CFDP1: variants seen among roughly 807,000 people sequenced by gnomAD.
The protein encoded by CFDP1 is chromatin remodeling protein CFDP1.
Under a neutral mutation model 40.1 loss-of-function variants are expected in CFDP1, and 31 were observed. The observed-to-expected ratio is 0.77, with a 90% CI of 0.58 to 1.04. The LOEUF is 1.04. Ranked by LOEUF, CFDP1 falls within the 50% of genes least tolerant of loss-of-function variation. The probability of loss-of-function intolerance (pLI) is 0.00; values close to 1 mark genes in which losing one functional copy is unlikely to be tolerated. For synonymous variants in CFDP1, 167 were observed against 120.0 expected, an observed-to-expected ratio of 1.39 and a Z score of -2.56; for missense variants, 423 against 343.4, an observed-to-expected ratio of 1.23 and a Z score of -1.83.
chr16:75,431,973 G>A (rs1161547871), intron 1 of CFDP1, among the ~76,000 whole-genome samples: 4 of 147,726 alleles, frequency 2.7e-5, no homozygotes, highest in African/African-American at 1.0e-4. Flanking sequence ...GTGCAGTGGT[G>A]TGATCTCGGC....
At chr16:75,330,019 C>T (rs1418279595) in intron 5 of CFDP1, among the ~76,000 whole-genome samples, 1 of 152,170 alleles carries the variant, frequency 6.6e-6, no homozygotes, top group African/African-American at 2.4e-5. Context: ...TTAGAATCCC[C>T]AGAGGTTATT....
At chr16:75,423,508 C>A (rs937162976) in intron 1 of CFDP1, among the ~76,000 whole-genome samples, 1 of 151,608 alleles carries the variant, frequency 6.6e-6, no homozygotes, top group Admixed American at 6.6e-5. Context: ...ACCACGTTGG[C>A]GAGGTTGGTT....
intron 4 of CFDP1, among the ~76,000 whole-genome samples, chr16:75,400,101 C>CAAA (rs71276627): frequency 1.9e-4 from 11 of 59,290 alleles, no homozygotes; most frequent in African/African-American, 4.0e-4. Flanking sequence ...AACTCCATCT[C>CAAA]AAAAAAAAAA....
intron 6 of CFDP1, among the ~76,000 whole-genome samples, chr16:75,297,601 G>A (rs1475411163): frequency 1.3e-5 from 2 of 152,192 alleles, no homozygotes; most frequent in African/African-American, 4.8e-5. Flanking sequence ...CCTTTTGGGG[G>A]CCCAGCATGA....
chr16:75,379,181 TA>T (rs201576474), intron 5 of CFDP1, among the ~76,000 whole-genome samples: 4 of 147,098 alleles, frequency 2.7e-5, no homozygotes, highest in Admixed American at 6.8e-5. Context: ...AAGAATCTAG[TA>T]AAAAAAAAGA....
chr16:75,350,860 C>A (rs938095911), intron 5 of CFDP1, among the ~76,000 whole-genome samples: 2 of 151,960 alleles, frequency 1.3e-5, no homozygotes, highest in Non-Finnish European at 2.9e-5. Context: ...TAAATGGGAA[C>A]AAAAGCAATT....
chr16:75,414,208 T>TC (rs1052272688), intron 2 of CFDP1, among the ~76,000 whole-genome samples: 1 of 151,714 alleles, frequency 6.6e-6, no homozygotes, highest in Non-Finnish European at 1.5e-5. Context: ...ATATTTTTTT[T>TC]CTAAAAAAAA....
intron 5 of CFDP1, among the ~76,000 whole-genome samples, chr16:75,346,582 CAAAAAAAAAAAAAAAAAA>C (rs748081401): frequency 1.7e-5 from 1 of 59,328 alleles, no homozygotes; most frequent in African/African-American, 7.4e-5. Flanking sequence ...GACTCTGTCT[CAAAAAAAAAAAAAAAAAA>C]AAAAAAAAAA....
At chr16:75,426,474 AAT>A (rs2079343831) in intron 1 of CFDP1, among the ~76,000 whole-genome samples, 1 of 151,996 alleles carries the variant, frequency 6.6e-6, no homozygotes, top group African/African-American at 2.4e-5. Context: ...CACAACCCAT[AAT>A]AGAAAAATTT....
chr16:75,395,607 C>T (rs1210968306), intron 4 of CFDP1, among the ~76,000 whole-genome samples: 3 of 151,878 alleles, frequency 2.0e-5, no homozygotes, highest in South Asian at 2.1e-4. Context: ...TGCAGTGAGC[C>T]GAGATCACGC....
At chr16:75,395,809 G>A (rs111585523) in intron 4 of CFDP1, among the ~76,000 whole-genome samples, 21 of 152,108 alleles carry the variant, frequency 1.4e-4, no homozygotes, top group African/African-American at 4.3e-4. Flanking sequence ...GGGAATGGAC[G>A]AAAGCAACAT....
rs1555561750 is a variant in CFDP1 at position 75,384,852 on chromosome 16, C to CAATATATATA, written c.650+10237_650+10238insTATATATATT. Among the ~76,000 whole-genome samples, 160 of 119,966 alleles carry CAATATATATA rather than the reference C, an allele frequency of 1.3e-3. 12 individuals are homozygous for CAATATATATA. The highest frequency in any genetic ancestry group is 2.1e-3 in the African/African-American group (60 of 28,006). 78.7% of individuals were successfully genotyped at this position (119,966 alleles called of 152,430 possible). A position where few individuals can be genotyped will look rare whatever the true frequency, so the allele number is the denominator to read the frequency against. On this transcript the variant is annotated intron_variant, in intron 5 of 6. Transcript: ENST00000283882. ...TACAAGTTGCAAGAAGAAACTAAAA[C>CAATATATATA]TATATATATATATATATATATATAT...
chr16:75,380,022 C>T (rs927162740), intron 5 of CFDP1: 1 of 151,878 alleles, frequency 6.6e-6, no homozygotes, highest in East Asian at 1.9e-4. Context: ...TTTGTAGTCC[C>T]AGCTACTTAG....
In CFDP1 at chr16:75,383,335, T is replaced by C. The variant is rs1053753838; in HGVS notation, c.650+11755A>G. Among the ~76,000 whole-genome samples, 7 of 152,344 alleles carry C rather than the reference T, an allele frequency of 4.6e-5. No individual in the cohort carries two copies. The South Asian group carries it at 6.2e-4, about 14-fold the overall frequency. ...TATTTATCTAATATGAATCTTTCTG[T>C]ACAGTCAGAACCCTTCAGGAAATAG... On this transcript the variant is annotated intron_variant, in intron 5 of 6. Coordinates refer to ENST00000283882, the MANE Select transcript of CFDP1 (RefSeq NM_006324.3).
chr16:75,316,978 G>T lies in CFDP1; in HGVS notation c.651-11796C>A, dbSNP rs117717544. On this transcript the variant is annotated intron_variant, in intron 5 of 6. Transcript: ENST00000283882. ...CCTGGGCGACAAGAGTGAAAACTCC[G>T]TCTCAAAAAAAGATAATAAATAAAT... Among the ~76,000 whole-genome samples the T allele has an allele frequency of 6.4e-4, 97 of 151,614 alleles. 1 individual carries two copies. In the East Asian group the frequency reaches 0.018, roughly 28 times the overall value.
rs142818719 is a variant in CFDP1 at position 75,400,164 on chromosome 16, C to T, written c.531-4955G>A. On this transcript the variant is annotated intron_variant, in intron 4 of 6. Coordinates refer to ENST00000283882, the MANE Select transcript of CFDP1 (RefSeq NM_006324.3). ...AGGCATCATGGCGTGCACCTGTAGTCCTAGATGCTTGGGAGGCTGAAGCAG... is the reference window on the plus strand; with the variant it reads ...AGGCATCATGGCGTGCACCTGTAGTTCTAGATGCTTGGGAGGCTGAAGCAG... Among the ~76,000 whole-genome samples, 528 of 150,592 alleles carry T rather than the reference C, an allele frequency of 3.5e-3. 4 individuals carry two copies. The highest frequency in any genetic ancestry group is 0.012 in the African/African-American group (495 of 40,852).
At chr16:75,348,916 G>C (rs1366470678) in intron 5 of CFDP1, among the ~76,000 whole-genome samples, 3 of 152,150 alleles carry the variant, frequency 2.0e-5, no homozygotes, top group Admixed American at 6.5e-5. Flanking sequence ...ACCCAGGCTG[G>C]AGTATAGTGG....
chr16:75,431,823 A>G (rs1310439510), intron 1 of CFDP1, among the ~76,000 whole-genome samples: 1 of 152,178 alleles, frequency 6.6e-6, no homozygotes, highest in African/African-American at 2.4e-5. Flanking sequence ...TAGACAACAG[A>G]AATATAATAC....
intron 5 of CFDP1, among the ~76,000 whole-genome samples, chr16:75,308,407 T>G (rs2078272359): frequency 6.6e-6 from 1 of 152,198 alleles, no homozygotes; most frequent in African/African-American, 2.4e-5. Flanking sequence ...ATCCTTGTCT[T>G]ATGTTCTGCT....
Sources: allele counts gnomAD v4.1 joint callset (sites outside exome capture counted in the v4.1 genomes callset), GRCh38; gene constraint gnomAD v4.1.1; transcripts MANE v1.5; gene names NCBI Gene and HGNC (gene_info 2026-07-23, HGNC 2026-07-21).